CRACR2A: variants seen among roughly 807,000 people sequenced by gnomAD.
CRACR2A encodes EF-hand calcium-binding domain-containing protein 4B.
CRACR2A carries 79 observed loss-of-function variants against 90.5 expected under a neutral mutation model. The observed-to-expected ratio is 0.87, with a 90% CI of 0.73 to 1.05. The LOEUF (loss-of-function observed/expected upper bound fraction) is 1.05, where lower values mean the gene tolerates loss of function less well. Among genes scored for constraint, CRACR2A ranks in the 50% least tolerant of loss-of-function variants. CRACR2A has a pLI of 0.00. For synonymous variants in CRACR2A, 338 were observed against 356.7 expected, an observed-to-expected ratio of 0.95 and a Z score of 0.59; for missense variants, 823 against 897.2, an observed-to-expected ratio of 0.92 and a Z score of 1.06.
intron 4 of CRACR2A, among the ~76,000 whole-genome samples, chr12:3,685,860 T>C (rs183917305): frequency 2.1e-3 from 313 of 152,258 alleles, no homozygotes; most frequent in Middle Eastern, 6.8e-3. Flanking sequence ...ACTGCACACA[T>C]AAAAAATGGT....
chr12:3,710,828 T>C (rs1176869633), intron 3 of CRACR2A, among the ~76,000 whole-genome samples: 1 of 150,416 alleles, frequency 6.6e-6, no homozygotes, highest in Non-Finnish European at 1.5e-5. Flanking sequence ...GAAAGAAAGA[T>C]GGGACGTTTA....
At chr12:3,720,514 C>T (rs1045839179) in intron 2 of CRACR2A, among the ~76,000 whole-genome samples, 2 of 151,626 alleles carry the variant, frequency 1.3e-5, no homozygotes, top group African/African-American at 4.8e-5. Context: ...CTTAATACAC[C>T]GCCAGGCTCT....
intron 19 of CRACR2A, 65 bp downstream of exon 19, chr12:3,616,889 G>A (rs939235959): frequency 1.4e-5 from 18 of 1,288,766 alleles, no homozygotes; most frequent in African/African-American, 5.9e-5. Context: ...GAAACACGGT[G>A]CCTCCCTGAA....
At chr12:3,689,093 C>A (rs1945611716) in intron 4 of CRACR2A, among the ~76,000 whole-genome samples, 2 of 152,172 alleles carry the variant, frequency 1.3e-5, no homozygotes, top group Non-Finnish European at 2.9e-5. Flanking sequence ...AGCTTTTGGG[C>A]TGAGACTATG....
chr12:3,636,874 C>T (rs1027884866), intron 14 of CRACR2A, among the ~76,000 whole-genome samples: 1 of 131,610 alleles, frequency 7.6e-6, no homozygotes, highest in Non-Finnish European at 1.6e-5. Flanking sequence ...AGGTAGCTCA[C>T]ACCCTACTGC....
intron 7 of CRACR2A, 114 bp downstream of exon 7, chr12:3,673,332 A>T: frequency 7.6e-7 from 1 of 1,318,614 alleles, no homozygotes; most frequent in Non-Finnish European, 1.0e-6. Context: ...ACTTTGGCAG[A>T]CAGCAAAAGG....
At chr12:3,623,790 G>A (rs1944201781) in intron 17 of CRACR2A, among the ~76,000 whole-genome samples, 1 of 152,166 alleles carries the variant, frequency 6.6e-6, no homozygotes, top group African/African-American at 2.4e-5. Flanking sequence ...TAGACTGGGT[G>A]AAATAGCAGA....
intron 2 of CRACR2A, among the ~76,000 whole-genome samples, chr12:3,723,192 G>A (rs1432032667): frequency 6.6e-6 from 1 of 152,170 alleles, no homozygotes; most frequent in Non-Finnish European, 1.5e-5. Context: ...CTAGAGTGCT[G>A]AGCATGGAGT....
At chr12:3,627,070 T>C (rs1425100691) in intron 17 of CRACR2A, among the ~76,000 whole-genome samples, 1 of 152,142 alleles carries the variant, frequency 6.6e-6, no homozygotes, top group Non-Finnish European at 1.5e-5. Context: ...AATCTGGTTG[T>C]GACTCAAACA....
intron 7 of CRACR2A, among the ~76,000 whole-genome samples, chr12:3,662,346 G>A (rs1287224280): frequency 1.3e-5 from 2 of 152,220 alleles, no homozygotes; most frequent in African/African-American, 2.4e-5. Flanking sequence ...GCGCAGGGAC[G>A]AGAAGACTTG....
chr12:3,657,324 A>C (rs975144266), intron 8 of CRACR2A, among the ~76,000 whole-genome samples: 9 of 152,222 alleles, frequency 5.9e-5, no homozygotes, highest in Admixed American at 1.3e-4. Context: ...ACTGCCATAT[A>C]ACTCACTACC....
chr12:3,688,589 T>C (rs1019753311), intron 4 of CRACR2A, among the ~76,000 whole-genome samples: 6 of 152,226 alleles, frequency 3.9e-5, no homozygotes, highest in African/African-American at 1.4e-4. Context: ...TTGGTTACTA[T>C]AGCCCTGTCG....
At chr12:3,649,506 C>G (rs1450317619) in intron 10 of CRACR2A, among the ~76,000 whole-genome samples, 2 of 152,162 alleles carry the variant, frequency 1.3e-5, no homozygotes. Context: ...CACTATTGGG[C>G]ACTCATTTCT....
intron 2 of CRACR2A, among the ~76,000 whole-genome samples, chr12:3,721,009 T>G (rs902588566): frequency 2.0e-5 from 3 of 152,166 alleles, no homozygotes; most frequent in Non-Finnish European, 4.4e-5. Context: ...TTATGGATTT[T>G]TAGTCTCTTC....
intron 17 of CRACR2A, among the ~76,000 whole-genome samples, chr12:3,626,342 G>C (rs957028918): frequency 5.3e-5 from 8 of 152,222 alleles, no homozygotes; most frequent in African/African-American, 1.9e-4. Context: ...ATTCATCCAG[G>C]AGTTGTTGGT....
chr12:3,682,875 C>A (rs952382343), intron 4 of CRACR2A, among the ~76,000 whole-genome samples: 2 of 151,954 alleles, frequency 1.3e-5, no homozygotes, highest in Admixed American at 1.3e-4. Context: ...CTCCGCCTCC[C>A]GGGTTCAAGT....
At chr12:3,658,788 T>A (rs1229194533) in intron 8 of CRACR2A, among the ~76,000 whole-genome samples, 1 of 151,456 alleles carries the variant, frequency 6.6e-6, no homozygotes, top group Admixed American at 6.6e-5. Flanking sequence ...AAGTAGATAG[T>A]CCAAAAATGG....
intron 15 of CRACR2A, among the ~76,000 whole-genome samples, chr12:3,629,224 C>T (rs1034090581): frequency 1.3e-5 from 2 of 151,930 alleles, no homozygotes; most frequent in South Asian, 2.1e-4. Context: ...GTGCCTTGCC[C>T]GAGCTGGTCG....
At chr12:3,621,070 G>A (rs773650785) in intron 17 of CRACR2A, among the ~76,000 whole-genome samples, 2 of 152,174 alleles carry the variant, frequency 1.3e-5, no homozygotes, top group South Asian at 2.1e-4. Flanking sequence ...TGGGCCAAGC[G>A]GCTTGCTGTT....
Sources: gnomAD v4.1 joint callset for allele counts (sites outside exome capture counted in the v4.1 genomes callset) on GRCh38, gnomAD v4.1.1 for gene constraint, MANE v1.5 for transcripts, NCBI Gene and HGNC (gene_info 2026-07-23, HGNC 2026-07-21) for gene names.